The following ALKAL1 variants were observed in gnomAD, a reference collection of about 807,000 sequenced individuals.
ALKAL1 encodes AUG-beta.
In ALKAL1, 23 loss-of-function variants were observed where a neutral mutation model predicts 13.5. The observed-to-expected ratio is 1.70, with a 90% CI of 1.23 to 2.41. The LOEUF is 2.41. Among genes scored for constraint, ALKAL1 ranks in the 30% most tolerant of loss-of-function variants. The pLI, the probability that ALKAL1 is intolerant of heterozygous loss-of-function variation, is 0.00. For synonymous variants in ALKAL1, 85 were observed against 77.7 expected (o/e 1.09, Z -0.49); for missense variants, 181 against 178.4 (o/e 1.01, Z -0.08).
chr8:52,534,393 T>C lies in ALKAL1; in HGVS notation c.*220A>G. The C allele has an allele frequency of 2.7e-6, 1 of 376,336 alleles. No individual in the cohort carries two copies. The highest frequency in any genetic ancestry group is 4.7e-6 in the Non-Finnish European group (1 of 213,270). 23.3% of individuals were successfully genotyped at this position (376,336 alleles called of 1,614,324 possible). Reference sequence around the variant, plus strand: ...TTCAATATGCGATTCAAACTCTGTTTTACAAAATTATAAATTACTGTATAC... The same window carrying C: ...TTCAATATGCGATTCAAACTCTGTTCTACAAAATTATAAATTACTGTATAC... On this transcript the variant is annotated 3_prime_UTR_variant, in exon 5 of 5. Coordinates refer to ENST00000358543, the MANE Select transcript of ALKAL1 (RefSeq NM_207413.4).
chr8:52,553,975 G>T (rs1847454799), intron 1 of ALKAL1, among the ~76,000 whole-genome samples: 1 of 152,182 alleles, frequency 6.6e-6, no homozygotes, highest in South Asian at 2.1e-4. Context: ...TGTAATCCCA[G>T]CATTTTGGGA....
chr8:52,565,223 C>T lies in ALKAL1; in HGVS notation c.34G>A (p.Ala12Thr). 1 of 1,326,230 alleles carries T rather than the reference C, an allele frequency of 7.5e-7. No homozygotes were observed. Among genetic ancestry groups the T allele is most frequent in the Non-Finnish European group, 9.7e-7 (1 of 1,030,862 alleles). 82.2% of individuals were successfully genotyped at this position (1,326,230 alleles called of 1,614,324 possible). A position where few individuals can be genotyped will look rare whatever the true frequency, so the allele number is the denominator to read the frequency against. ...AAAGCCAGCGCCAGCAGGAAGAGTG[C>T]GGGCAAAGGGGCGCCGGGCTTAAGG... The part of the protein sequence containing the change: ...RPLKPGAPLP[A>T]LFLLALALSP... Residue 12 changes from alanine to threonine, a missense_variant, in exon 1 of 5, where the codon GCA becomes ACA. Physicochemically the swap from Ala to Thr is moderately conservative, Grantham distance 58 (BLOSUM62 0). Coordinates refer to ENST00000358543, the MANE Select transcript of ALKAL1 (RefSeq NM_207413.4).
At chr8:52,547,116 A>G (rs1847377228) in intron 1 of ALKAL1, among the ~76,000 whole-genome samples, 3 of 152,214 alleles carry the variant, frequency 2.0e-5, no homozygotes, top group Admixed American at 2.0e-4. Flanking sequence ...TCAATAAAAA[A>G]CTGATTGAAA....
chr8:52,552,098 T>G (rs1176191664), intron 1 of ALKAL1, among the ~76,000 whole-genome samples: 5 of 152,222 alleles, frequency 3.3e-5, no homozygotes, highest in Non-Finnish European at 7.3e-5. Flanking sequence ...TCATGTCTCC[T>G]TAGGCGCCTC....
At chr8:52,558,805 G>A (rs908187983) in intron 1 of ALKAL1, among the ~76,000 whole-genome samples, 9 of 152,084 alleles carry the variant, frequency 5.9e-5, no homozygotes, top group African/African-American at 1.4e-4. Context: ...GTCATAGTCC[G>A]TTTTGTGTGG....
At chr8:52,544,139 G>A (rs1847343523) in intron 1 of ALKAL1, among the ~76,000 whole-genome samples, 1 of 151,996 alleles carries the variant, frequency 6.6e-6, no homozygotes, top group Admixed American at 6.6e-5. Context: ...GAGGCACCTG[G>A]CACATGTTCA....
intron 1 of ALKAL1, among the ~76,000 whole-genome samples, chr8:52,559,425 A>G (rs922244383): frequency 2.0e-5 from 3 of 152,106 alleles, no homozygotes; most frequent in African/African-American, 7.2e-5. Flanking sequence ...GGGCAGATAG[A>G]AACCATCTCT....
chr8:52,535,739 T>A (rs574419380), intron 4 of ALKAL1, among the ~76,000 whole-genome samples: 5 of 152,182 alleles, frequency 3.3e-5, no homozygotes, highest in Non-Finnish European at 7.4e-5. Flanking sequence ...CTAATTATTA[T>A]CATTAATGTG....
chr8:52,546,943 G>T (rs530506003), intron 1 of ALKAL1, among the ~76,000 whole-genome samples: 1 of 152,256 alleles, frequency 6.6e-6, no homozygotes, highest in East Asian at 1.9e-4. Flanking sequence ...AAGAAAGTTT[G>T]CCAATGCCTG....
chr8:52,548,080 G>A (rs567736241), intron 1 of ALKAL1, among the ~76,000 whole-genome samples: 1 of 152,338 alleles, frequency 6.6e-6, no homozygotes, highest in African/African-American at 2.4e-5. Flanking sequence ...CGGGTGCAGT[G>A]GCTTATGCCT....
intron 1 of ALKAL1, among the ~76,000 whole-genome samples, chr8:52,556,383 C>G (rs568012039): frequency 5.3e-4 from 81 of 152,142 alleles, no homozygotes; most frequent in African/African-American, 1.9e-3. Context: ...CGCGGTGGCT[C>G]ACGCCTGTAA....
chr8:52,554,282 C>G (rs552340582), intron 1 of ALKAL1, among the ~76,000 whole-genome samples: 2 of 152,120 alleles, frequency 1.3e-5, no homozygotes, highest in Non-Finnish European at 2.9e-5. Flanking sequence ...CATTTCACAC[C>G]GTGATAAGAT....
chr8:52,554,418 C>T (rs913234254), intron 1 of ALKAL1, among the ~76,000 whole-genome samples: 1 of 152,168 alleles, frequency 6.6e-6, no homozygotes, highest in Admixed American at 6.5e-5. Flanking sequence ...ACAAACAAAG[C>T]AACTGGGAAA....
At chr8:52,538,632 T>G (rs927720846) in intron 3 of ALKAL1, 125 bp from the exon 4 acceptor site, 2 of 632,934 alleles carry the variant, frequency 3.2e-6, no homozygotes, top group Non-Finnish European at 5.5e-6. Flanking sequence ...CTATGTTAAG[T>G]GCTGAAAATG....
intron 1 of ALKAL1, among the ~76,000 whole-genome samples, chr8:52,544,335 T>A (rs1241383902): frequency 2.0e-5 from 3 of 151,956 alleles, no homozygotes; most frequent in African/African-American, 7.3e-5. Context: ...AAAAGTGGTG[T>A]TTAAGTTGAC....
At position 52,549,330 on chromosome 8, in the gene ALKAL1, G is replaced by A. The variant is rs558495012; in HGVS notation, c.191-6885C>T. Among the ~76,000 whole-genome samples the A allele has an allele frequency of 5.3e-5, 8 of 151,870 alleles. No individual in the cohort carries two copies. The East Asian group carries it at 1.4e-3, about 26-fold the overall frequency. ...TACCTTTATTACAGCAGTACTGAGA[G>A]AATTATAGATGAGAACTGTTTTCAG... is the stretch of plus-strand genomic sequence containing the variant. On this transcript the variant is annotated intron_variant, in intron 1 of 4. Coordinates refer to ENST00000358543, the MANE Select transcript of ALKAL1 (RefSeq NM_207413.4).
rs867306167 is a variant in ALKAL1 at position 52,565,186 on chromosome 8, C to T, written c.71G>A (p.Gly24Glu). 7.3e-6 allele frequency: 10 copies of T among 1,372,594 alleles called. No individual in the cohort carries two copies. In the Middle Eastern group the frequency reaches 5.7e-4, roughly 79 times the overall value. The allele number at this position is 1,372,594 out of a possible 1,614,324, so 85.0% of individuals were successfully genotyped here. ...GCGCCCCCGGGGCCTCCCGTGGGCT[C>T]CGTGCGGGGACAAAGCCAGCGCCAG... ...FLLALALSPH[G>E]AHGRPRGRRG... Residue 24 changes from glycine to glutamate, a missense_variant, in exon 1 of 5, where the codon GGA (glycine) becomes GAA (glutamate). By Grantham distance (98) the Gly-to-Glu change is moderately conservative. Transcript: ENST00000358543.
At chr8:52,562,746 G>T (rs1377974800) in intron 1 of ALKAL1, among the ~76,000 whole-genome samples, 1 of 150,390 alleles carries the variant, frequency 6.6e-6, no homozygotes, top group Non-Finnish European at 1.5e-5. Flanking sequence ...TGCTTATTAC[G>T]TCACTACAGA....
At chr8:52,535,147 A>C (rs1210596070) in intron 4 of ALKAL1, among the ~76,000 whole-genome samples, 1 of 151,396 alleles carries the variant, frequency 6.6e-6, no homozygotes, top group African/African-American at 2.4e-5. Flanking sequence ...AGGTAAATTT[A>C]CTCATTTACA....
Sources: allele counts gnomAD v4.1 joint callset (sites outside exome capture counted in the v4.1 genomes callset), GRCh38; gene constraint gnomAD v4.1.1; transcripts MANE v1.5; gene names NCBI Gene and HGNC (gene_info 2026-07-23, HGNC 2026-07-21).